Variants in RNF145 observed in about 807,000 individuals in gnomAD.
RNF145 encodes ring finger protein 145.
Under a neutral mutation model 57.3 loss-of-function variants are expected in RNF145, and 12 were observed. The observed-to-expected ratio is 0.21, with a 90% CI of 0.13 to 0.34. The LOEUF is 0.34. RNF145 is among the 10% of genes least tolerant of loss of function. The pLI, the probability that RNF145 is intolerant of heterozygous loss-of-function variation, is 1.00. For synonymous variants in RNF145, 262 were observed against 288.3 expected, an observed-to-expected ratio of 0.91 and a Z score of 0.92; for missense variants, 429 against 799.0, an observed-to-expected ratio of 0.54 and a Z score of 5.58.
intron 4 of RNF145, among the ~76,000 whole-genome samples, chr5:159,180,573 T>C (rs371400459): frequency 1.3e-5 from 2 of 152,170 alleles, no homozygotes; most frequent in South Asian, 2.1e-4. Flanking sequence ...TAGTCCTTTA[T>C]ATCAGATTAG....
chr5:159,207,516 T>C (rs999405336), intron 1 of RNF145: 2 of 1,541,116 alleles, frequency 1.3e-6, no homozygotes, highest in Admixed American at 2.0e-5. Context: ...AAAAAAAAAA[T>C]TCTACCATCA....
intron 3 of RNF145, among the ~76,000 whole-genome samples, chr5:159,185,155 A>G (rs1008169642): frequency 6.6e-6 from 1 of 152,116 alleles, no homozygotes; most frequent in Non-Finnish European, 1.5e-5. Context: ...CTCTCTTTCA[A>G]TACAGTCCTC....
At chr5:159,194,850 C>A in intron 2 of RNF145, 26 bp from the exon 3 acceptor site, 2 of 1,426,524 alleles carry the variant, frequency 1.4e-6, no homozygotes, top group South Asian at 1.2e-5. Context: ...AAATAAAATA[C>A]AATTTTAATT....
chr5:159,205,902 C>T (rs947476516), intron 1 of RNF145, among the ~76,000 whole-genome samples: 3 of 152,134 alleles, frequency 2.0e-5, no homozygotes, highest in East Asian at 1.9e-4. Flanking sequence ...GGCTCCTAAA[C>T]GGGTAAAGAA....
At position 159,201,908 on chromosome 5, in the gene RNF145, G is replaced by A. The variant is rs150485547; in HGVS notation, c.184+1526C>T. On this transcript the variant is annotated intron_variant, in intron 2 of 10. Transcript: ENST00000424310. ...TGTAGATACATTATTTTATTAAGGT[G>A]AAATTTGATTTGTATTTGAGGGTGA... Among the ~76,000 whole-genome samples the A allele has an allele frequency of 2.6e-5, 4 of 152,258 alleles. No homozygotes were observed. In the East Asian group the frequency reaches 7.7e-4, roughly 29 times the overall value.
Position 159,162,915 on chromosome 5 carries a change from A to G in RNF145, c.1269+17T>C. On this transcript the variant is annotated intron_variant, in intron 9 of 10. Coordinates refer to ENST00000424310, the MANE Select transcript of RNF145 (RefSeq NM_001199383.2). ...CAAAATTGGTTATTATATAGAGTTA[A>G]TTAATCATAGGCTTACCTGAAGAGA... 2 of 1,574,948 alleles carry G rather than the reference A, an allele frequency of 1.3e-6. No individual in the cohort carries two copies. Among genetic ancestry groups the G allele is most frequent in the Non-Finnish European group, 1.7e-6 (2 of 1,167,736 alleles).
intron 6 of RNF145, among the ~76,000 whole-genome samples, chr5:159,171,636 C>CA (rs530584893): frequency 9.8e-4 from 148 of 151,762 alleles, no homozygotes; most frequent in South Asian, 4.0e-3. Flanking sequence ...TTTCTGGCTG[C>CA]AAAAAAAACC....
intron 3 of RNF145, among the ~76,000 whole-genome samples, chr5:159,191,128 AC>A (rs1301831904): frequency 1.3e-5 from 2 of 151,830 alleles, no homozygotes; most frequent in East Asian, 3.9e-4. Flanking sequence ...AAGAAAGTTC[AC>A]GAATTTTTGT....
At chr5:159,207,841 G>A in intron 1 of RNF145, 3 of 1,614,094 alleles carry the variant, frequency 1.9e-6, no homozygotes, top group Non-Finnish European at 2.5e-6. Context: ...TGAATACAAA[G>A]GCCATCTTTC....
At chr5:159,210,040 C>T (rs1786057945), upstream of RNF145, 2 of 683,842 alleles carry the variant, frequency 2.9e-6, no homozygotes, top group Non-Finnish European at 5.1e-6. Context: ...GAGTAAGTGA[C>T]TGGATGAATG....
chr5:159,159,149 T>C (rs1261263544), intron 10 of RNF145, 114 bp from the exon 11 acceptor site: 7 of 926,856 alleles, frequency 7.6e-6, no homozygotes, highest in Admixed American at 2.5e-5. Flanking sequence ...ATTTGTAACA[T>C]AGATCTTAGA....
chr5:159,209,924 G>T (rs1028379831), upstream of RNF145: 2 of 1,534,796 alleles, frequency 1.3e-6, no homozygotes, highest in African/African-American at 1.4e-5. Flanking sequence ...AATGATGCGA[G>T]AATTCGTTTT....
At chr5:159,188,153 C>G (rs756393270) in intron 3 of RNF145, among the ~76,000 whole-genome samples, 1 of 152,022 alleles carries the variant, frequency 6.6e-6, no homozygotes, top group East Asian at 1.9e-4. Context: ...AAGGCCAAGG[C>G]GGGCGGATCA....
In RNF145 at chr5:159,174,126, T is replaced by G. The variant is rs754228069; in HGVS notation, c.654A>C (p.Gly218=). The G allele has an allele frequency of 1.9e-6, 3 of 1,612,276 alleles. No homozygotes were observed. Among genetic ancestry groups the G allele is most frequent in the Non-Finnish European group, 2.5e-6 (3 of 1,179,090 alleles). The change falls in exon 6 of 11, where the codon GGA becomes GGC. Residue 218 remains glycine, a synonymous_variant. Transcript: ENST00000424310. ...VVEVYGLLAL[G]MSLWNQLVVP... ...CTACCAGTTGATTCCACAGGGACAT[T>G]CCCAAGGCGAGAAGGCCATATACCT...
intron 6 of RNF145, 41 bp downstream of exon 6, chr5:159,173,938 CTCTT>C (rs760916396): frequency 1.7e-5 from 22 of 1,306,236 alleles, no homozygotes; most frequent in South Asian, 1.4e-4. Context: ...TCAAAGTTTT[CTCTT>C]TCTAAGGTTA....
At chr5:159,185,655 T>C (rs1243461817) in intron 3 of RNF145, among the ~76,000 whole-genome samples, 2 of 152,334 alleles carry the variant, frequency 1.3e-5, no homozygotes, top group Non-Finnish European at 2.9e-5. Context: ...CATATGATTC[T>C]CTTAAGACTC....
chr5:159,169,150 A>G (rs1357896795), intron 7 of RNF145, 95 bp from the exon 8 acceptor site: 27 of 990,150 alleles, frequency 2.7e-5, no homozygotes, highest in African/African-American at 3.3e-5. Context: ...CTCTTGTTAC[A>G]TATTTTTAAA....
chr5:159,172,873 CT>C (rs375425297), intron 6 of RNF145, among the ~76,000 whole-genome samples: 200 of 152,278 alleles, frequency 1.3e-3, no homozygotes, highest in African/African-American at 4.5e-3. Context: ...GAACTTAAAA[CT>C]GTTATCTACC....
chr5:159,194,831 C>A lies in RNF145; in HGVS notation c.185-7G>T. On this transcript the variant is annotated splice_polypyrimidine_tract_variant and splice_region_variant and intron_variant, in intron 2 of 10. Coordinates refer to ENST00000424310, the MANE Select transcript of RNF145 (RefSeq NM_001199383.2). ...ACCACACTTAAGATATAACCTGTAC[C>A]AGAAAGATAAATAAAATACAATTTT... The A allele has an allele frequency of 6.5e-7, 1 of 1,540,984 alleles. No homozygotes were observed.
Sources: gnomAD v4.1 joint callset for allele counts (sites outside exome capture counted in the v4.1 genomes callset) on GRCh38, gnomAD v4.1.1 for gene constraint, MANE v1.5 for transcripts, NCBI Gene and HGNC (gene_info 2026-07-23, HGNC 2026-07-21) for gene names.